The following CCDC192 variants were observed in gnomAD, a reference collection of about 807,000 sequenced individuals.
CCDC192 encodes coiled-coil domain containing 192, also known as coiled-coil domain-containing protein 192.
intron 2 of CCDC192, among the ~76,000 whole-genome samples, chr5:127,725,073 T>C (rs1752245670): frequency 6.6e-6 from 1 of 152,280 alleles, no homozygotes; most frequent in South Asian, 2.1e-4. Context: ...CAAAACTCTT[T>C]ATATCAAATA....
chr5:127,937,134 A>G (rs1754208963), intron 6 of CCDC192, among the ~76,000 whole-genome samples: 1 of 152,274 alleles, frequency 6.6e-6, no homozygotes, highest in African/African-American at 2.4e-5. Flanking sequence ...TAAAGAGACT[A>G]GTAGTAAAAT....
At chr5:127,870,017 A>G (rs572596016) in intron 5 of CCDC192, among the ~76,000 whole-genome samples, 38 of 152,314 alleles carry the variant, frequency 2.5e-4, no homozygotes, top group African/African-American at 7.2e-4. Flanking sequence ...GGGTTTGTGT[A>G]TCAACTAGCT....
intron 5 of CCDC192, among the ~76,000 whole-genome samples, chr5:127,818,079 T>C (rs1402387022): frequency 6.6e-6 from 1 of 152,206 alleles, no homozygotes; most frequent in East Asian, 1.9e-4. Context: ...AGCATAGCTT[T>C]TTCCCAAATC....
rs140857658 is a variant in CCDC192, at chr5:127,733,460, G to C, written c.115-20808G>C. On this transcript the variant is annotated intron_variant, in intron 2 of 6. Coordinates refer to ENST00000514853, the MANE Select transcript of CCDC192 (RefSeq NM_001317938.2). Reference sequence around the variant, plus strand: ...AGGGGCTCAGAATAATTAAATTACTGTCTTAAAGTCACAGAAACAATAAAT... The same window carrying C: ...AGGGGCTCAGAATAATTAAATTACTCTCTTAAAGTCACAGAAACAATAAAT... Among the ~76,000 whole-genome samples, 376 of 152,200 alleles carry C rather than the reference G, an allele frequency of 2.5e-3. 2 individuals are homozygous for C. Among genetic ancestry groups the C allele is most frequent in the African/African-American group, 8.8e-3 (364 of 41,522 alleles).
At chr5:127,865,809 T>A (rs1304806211) in intron 5 of CCDC192, among the ~76,000 whole-genome samples, 2 of 151,996 alleles carry the variant, frequency 1.3e-5, no homozygotes, top group Non-Finnish European at 2.9e-5. Context: ...CTTTGATCAC[T>A]GGGTTATATC....
chr5:127,929,087 A>C (rs1340073828), intron 6 of CCDC192, among the ~76,000 whole-genome samples: 1 of 152,160 alleles, frequency 6.6e-6, no homozygotes, highest in Non-Finnish European at 1.5e-5. Context: ...TTCTTAAACG[A>C]TAGAGGGGCC....
chr5:127,747,768 GT>G (rs1753866749), intron 2 of CCDC192, among the ~76,000 whole-genome samples: 2 of 147,112 alleles, frequency 1.4e-5, no homozygotes, highest in South Asian at 4.6e-4. Flanking sequence ...TCCAGCACCT[GT>G]TGTTTCCTGA....
At chr5:127,901,766 T>C (rs1753044748) in intron 6 of CCDC192, among the ~76,000 whole-genome samples, 1 of 152,236 alleles carries the variant, frequency 6.6e-6, no homozygotes, top group Non-Finnish European at 1.5e-5. Context: ...CCTCCCTGTA[T>C]TTTATAGGCT....
At chr5:127,851,735 C>T (rs1023115514) in intron 5 of CCDC192, among the ~76,000 whole-genome samples, 5 of 152,170 alleles carry the variant, frequency 3.3e-5, no homozygotes, top group Admixed American at 2.6e-4. Context: ...GGATTACAGG[C>T]GTGAACCACT....
rs539888893 is a variant in CCDC192, at chr5:127,842,157, G to T, written c.412-33381G>T. Among the ~76,000 whole-genome samples the T allele has an allele frequency of 3.3e-5, 5 of 152,312 alleles. No homozygotes were observed. The South Asian group carries it at 1.0e-3, about 32-fold the overall frequency. ...AGTGCCCCAGGGCCAGCACTCAGAA[G>T]GACCCACACCTGGTTTGATGCTCTG... On this transcript the variant is annotated intron_variant, in intron 5 of 6. Coordinates refer to ENST00000514853, the MANE Select transcript of CCDC192 (RefSeq NM_001317938.2).
intron 6 of CCDC192, among the ~76,000 whole-genome samples, chr5:127,914,628 A>G (rs1442267987): frequency 1.3e-5 from 2 of 152,182 alleles, no homozygotes; most frequent in African/African-American, 4.8e-5. Context: ...AAACAAAAAT[A>G]TCAGTTGATT....
At chr5:127,849,486 A>G (rs938410885) in intron 5 of CCDC192, among the ~76,000 whole-genome samples, 1 of 152,146 alleles carries the variant, frequency 6.6e-6, no homozygotes, top group African/African-American at 2.4e-5. Context: ...ATTCCAGAAT[A>G]TAGAAAGAGT....
intron 2 of CCDC192, among the ~76,000 whole-genome samples, chr5:127,733,439 G>A (rs1752759592): frequency 6.6e-6 from 1 of 152,116 alleles, no homozygotes; most frequent in South Asian, 2.1e-4. Flanking sequence ...GGAAATAGGG[G>A]CTCAGAATAA....
chr5:127,897,547 G>C (rs891178920), intron 6 of CCDC192, among the ~76,000 whole-genome samples: 1 of 152,164 alleles, frequency 6.6e-6, no homozygotes, highest in Non-Finnish European at 1.5e-5. Context: ...CACTTTTAGA[G>C]GAAGAAATAG....
Position 127,797,731 on chromosome 5 carries a change from GTATATATATATATATATATA to G in CCDC192, c.355-347_355-328del, listed in dbSNP as rs146458343. Among the ~76,000 whole-genome samples, 83 of 21,054 alleles carry G rather than the reference GTATATATATATATATATATA, an allele frequency of 3.9e-3. 1 individual carries two copies. The highest frequency in any genetic ancestry group is 0.014 in the African/African-American group (77 of 5,516). The allele number at this position is 21,054 out of a possible 152,430, so 13.8% of individuals were successfully genotyped here. A position where few individuals can be genotyped will look rare whatever the true frequency, so the allele number is the denominator to read the frequency against. Reference sequence around the variant, plus strand: ...TATATGGATATGATTTCATGTGAAGGTATATATATATATATATATATATATATATATATATATATATATAT... The same window carrying G: ...TATATGGATATGATTTCATGTGAAGGTATATATATATATATATATATATAT... On this transcript the variant is annotated intron_variant, in intron 4 of 6. Coordinates refer to ENST00000514853, the MANE Select transcript of CCDC192 (RefSeq NM_001317938.2).
intron 6 of CCDC192, among the ~76,000 whole-genome samples, chr5:127,894,800 C>T (rs1031707690): frequency 1.3e-5 from 2 of 152,300 alleles, no homozygotes; most frequent in African/African-American, 2.4e-5. Context: ...GCCACAAATT[C>T]GCCCATAGGC....
chr5:127,896,604 G>T (rs949114247), intron 6 of CCDC192, among the ~76,000 whole-genome samples: 1 of 151,708 alleles, frequency 6.6e-6, no homozygotes, highest in Non-Finnish European at 1.5e-5. Flanking sequence ...TGGCTAATTT[G>T]TTTTTTGTTT....
chr5:127,836,273 T>A (rs950689936), intron 5 of CCDC192, among the ~76,000 whole-genome samples: 1 of 152,238 alleles, frequency 6.6e-6, no homozygotes, highest in Non-Finnish European at 1.5e-5. Context: ...AGAGGTGGGC[T>A]CCCATGGCAT....
intron 3 of CCDC192, chr5:127,786,789 T>C: frequency 1.6e-6 from 1 of 616,716 alleles, no homozygotes; most frequent in Non-Finnish European, 3.0e-6. Flanking sequence ...TTTGTATAAT[T>C]CCAGGCCAAT....
Sources: gnomAD v4.1 joint callset for allele counts (sites outside exome capture counted in the v4.1 genomes callset) on GRCh38, gnomAD v4.1.1 for gene constraint, MANE v1.5 for transcripts, NCBI Gene and HGNC (gene_info 2026-07-23, HGNC 2026-07-21) for gene names.